The following RAB40C variants were observed in gnomAD, a reference collection of about 807,000 sequenced individuals.
RAB40C encodes the protein RAB40C, member RAS oncogene family.
In RAB40C, 8 loss-of-function variants were observed where a neutral mutation model predicts 28.1. That is an observed-to-expected ratio of 0.28 (90% CI 0.17 to 0.51). The LOEUF is 0.51. RAB40C is among the 20% of genes least tolerant of loss of function. The pLI, the probability that RAB40C is intolerant of heterozygous loss-of-function variation, is 0.97. For missense variants in RAB40C, 288 were observed against 405.9 expected (o/e 0.71, Z 2.50); for synonymous variants, 201 against 171.7 (o/e 1.17, Z -1.34).
chr16:593,718 G>A (rs1223462803), intron 1 of RAB40C, among the ~76,000 whole-genome samples: 1 of 152,254 alleles, frequency 6.6e-6, no homozygotes, highest in Non-Finnish European at 1.5e-5. Flanking sequence ...CCCAGCACCT[G>A]TGGGAGCCCC....
chr16:600,731 G>A (rs761034408), intron 1 of RAB40C, among the ~76,000 whole-genome samples: 3 of 152,176 alleles, frequency 2.0e-5, no homozygotes, highest in African/African-American at 2.4e-5. Flanking sequence ...CAGCCTGGGC[G>A]ACAGAGTGAG....
In RAB40C at chr16:590,217, CG is replaced by C. The variant is rs1479932115; in HGVS notation, c.-72del. The C allele has an allele frequency of 2.6e-6, 3 of 1,149,542 alleles. No homozygotes were observed. Among genetic ancestry groups the C allele is most frequent in the Non-Finnish European group, 3.3e-6 (3 of 922,268 alleles). The allele number at this position is 1,149,542 out of a possible 1,614,324, so 71.2% of individuals were successfully genotyped here. On this transcript the variant is annotated 5_prime_UTR_variant, in exon 1 of 6. Transcript: ENST00000248139. ...ACGCAACGGGCGCAGGTGCGGGGCG[CG>C]GGCTCTCTCACGCCGCGGCCTCACC...
rs116567715 is a variant in RAB40C, at chr16:601,066, G to A, written c.142+10633G>A. ...GCAGAGCCACCTCCTGGTCATTAGC[G>A]TTAAAGCTCTTCTCTCCTGATGTAG... On this transcript the variant is annotated intron_variant, in intron 1 of 5. Coordinates refer to ENST00000248139, the MANE Select transcript of RAB40C (RefSeq NM_021168.5). Among the ~76,000 whole-genome samples the A allele has an allele frequency of 2.4e-3, 368 of 152,290 alleles. 1 individual carries two copies. The highest frequency in any genetic ancestry group is 8.0e-3 in the African/African-American group (333 of 41,562).
At chr16:599,468 C>T (rs1326731385) in intron 1 of RAB40C, among the ~76,000 whole-genome samples, 3 of 152,260 alleles carry the variant, frequency 2.0e-5, no homozygotes, top group African/African-American at 7.2e-5. Flanking sequence ...TGGGGCCACG[C>T]CGTGCCTCCT....
intron 2 of RAB40C, 73 bp from the exon 3 acceptor site, chr16:618,127 G>A (rs1040878471): frequency 3.9e-5 from 57 of 1,458,584 alleles, no homozygotes; most frequent in Middle Eastern, 1.9e-4. Flanking sequence ...CAGGTGGGTC[G>A]GCAGAGGAGG....
At chr16:602,323 T>TTGAGGTCAGG (rs2036270347) in intron 1 of RAB40C, among the ~76,000 whole-genome samples, 1 of 151,262 alleles carries the variant, frequency 6.6e-6, no homozygotes, top group Non-Finnish European at 1.5e-5. Flanking sequence ...GCAGTGATCA[T>TTGAGGTCAGG]AGTTCACTGC....
intron 5 of RAB40C, 64 bp downstream of exon 5, chr16:626,185 G>A: frequency 6.7e-7 from 1 of 1,483,782 alleles, no homozygotes; most frequent in South Asian, 1.1e-5. Flanking sequence ...ATCACATGGA[G>A]GCTGAGGGGG....
chr16:596,433 C>T (rs978859834), intron 1 of RAB40C: 8 of 429,568 alleles, frequency 1.9e-5, no homozygotes, highest in Admixed American at 1.0e-4. Context: ...CTGAGTCCTC[C>T]CCTGCGCAGC....
chr16:613,422 G>A (rs2036524338), intron 1 of RAB40C, among the ~76,000 whole-genome samples: 1 of 152,218 alleles, frequency 6.6e-6, no homozygotes, highest in South Asian at 2.1e-4. Flanking sequence ...CAGGACTGCC[G>A]CCCTGGCCGG....
Position 590,432 on chromosome 16 carries a change from C to A in RAB40C, c.141C>A (p.Asn47Lys), listed in dbSNP as rs765675659. ...GAAESPYAYS[N>K]GIDYKTTTIL... Reference sequence around the variant, plus strand: ...CAGAGTCCCCGTACGCCTACAGTAACGGTAAGGCCCGGCCCGCGGCGCGCG... The same window carrying A: ...CAGAGTCCCCGTACGCCTACAGTAAAGGTAAGGCCCGGCCCGCGGCGCGCG... Residue 47 changes from asparagine (N) to lysine (K), a missense_variant and splice_region_variant, in exon 1 of 6, where the codon AAC becomes AAA. By Grantham distance (94) the Asn-to-Lys change is moderately conservative. This residue lies in a region of RAB40C where 78 missense variants were observed against 88.2 expected (regional missense o/e 0.88). Coordinates refer to ENST00000248139, the MANE Select transcript of RAB40C (RefSeq NM_021168.5). The A allele has an allele frequency of 6.3e-7, 1 of 1,583,998 alleles. No homozygotes were observed. The highest frequency in any genetic ancestry group is 8.6e-7 in the Non-Finnish European group (1 of 1,167,932).
intron 1 of RAB40C, among the ~76,000 whole-genome samples, chr16:595,423 C>T (rs765334532): frequency 5.3e-5 from 8 of 152,148 alleles, no homozygotes; most frequent in Admixed American, 2.0e-4. Flanking sequence ...GTCCTCCTCA[C>T]GTCCACCTGG....
Position 610,557 on chromosome 16 carries a change from G to A in RAB40C, c.143-6651G>A, listed in dbSNP as rs2036462179. ...TTTTGAAAAGACATTTCAACAGGAGGTAAAAATGAACAGCACACCAAGAGA... is the reference window on the plus strand; with the variant it reads ...TTTTGAAAAGACATTTCAACAGGAGATAAAAATGAACAGCACACCAAGAGA... On this transcript the variant is annotated intron_variant, in intron 1 of 5. Transcript: ENST00000248139. The surrounding 1 kb of genome is among the most constrained non-coding windows in gnomAD (Gnocchi z 4.6). Among the ~76,000 whole-genome samples, 2 of 152,156 alleles carry A rather than the reference G, an allele frequency of 1.3e-5. No individual in the cohort carries two copies. Among genetic ancestry groups the A allele is most frequent in the Admixed American group, 1.3e-4 (2 of 15,272 alleles).
intron 1 of RAB40C, among the ~76,000 whole-genome samples, chr16:603,239 A>C (rs888941254): frequency 6.6e-6 from 1 of 152,252 alleles, no homozygotes; most frequent in African/African-American, 2.4e-5. Context: ...ACCAGTCCAC[A>C]AACTGCCCTA....
chr16:595,604 T>C (rs1215861414), intron 1 of RAB40C, among the ~76,000 whole-genome samples: 1 of 94,520 alleles, frequency 1.1e-5, no homozygotes, highest in Non-Finnish European at 2.4e-5. Context: ...TTTTTTCTTC[T>C]TTTTTTTTTT....
intron 1 of RAB40C, among the ~76,000 whole-genome samples, chr16:593,905 C>G (rs1433381456): frequency 6.6e-6 from 1 of 152,170 alleles, no homozygotes; most frequent in Non-Finnish European, 1.5e-5. Flanking sequence ...TGGCGAGTTA[C>G]CCGGCAGGAA....
chr16:596,566 C>T (rs1235773134), intron 1 of RAB40C: 4 of 329,616 alleles, frequency 1.2e-5, no homozygotes, highest in South Asian at 4.6e-5. Context: ...CATCCTGGTG[C>T]GGAGAACGCT....
Position 613,784 on chromosome 16 carries a change from A to C in RAB40C, c.143-3424A>C, listed in dbSNP as rs546620688. Among the ~76,000 whole-genome samples, 6 of 151,350 alleles carry C rather than the reference A, an allele frequency of 4.0e-5. No individual in the cohort carries two copies. In the South Asian group the frequency reaches 1.3e-3, roughly 32 times the overall value. ...AGTCGTGGGCAACACCCAGGTCTAGACCCAGGTGGAATGCATGGTCTTGGG... is the reference window on the plus strand; with the variant it reads ...AGTCGTGGGCAACACCCAGGTCTAGCCCCAGGTGGAATGCATGGTCTTGGG... On this transcript the variant is annotated intron_variant, in intron 1 of 5. Transcript: ENST00000248139.
intron 1 of RAB40C, among the ~76,000 whole-genome samples, chr16:608,252 C>G (rs575593875): frequency 2.0e-5 from 3 of 152,140 alleles, no homozygotes; most frequent in South Asian, 2.1e-4. Flanking sequence ...CATCAGGTGT[C>G]GGGAGAACTC....
chr16:615,727 C>G (rs1183587087), intron 1 of RAB40C, among the ~76,000 whole-genome samples: 1 of 151,700 alleles, frequency 6.6e-6, no homozygotes, highest in Non-Finnish European at 1.5e-5. Context: ...TTTGGGAGGC[C>G]AAGGCGGGCG....
Sources: gnomAD v4.1 joint callset for allele counts (sites outside exome capture counted in the v4.1 genomes callset) on GRCh38, gnomAD v4.1.1 for gene constraint, gnomAD v4.1.1 regional missense constraint, Gnocchi (gnomAD v3.1) non-coding constraint, MANE v1.5 for transcripts, NCBI Gene and HGNC (gene_info 2026-07-23, HGNC 2026-07-21) for gene names.